The following NFU1 variants were observed in gnomAD, a reference collection of about 807,000 sequenced individuals.
NFU1 encodes NFU1 iron-sulfur cluster scaffold, also known as NFU1 iron-sulfur cluster scaffold homolog, mitochondrial.
In NFU1, 30 loss-of-function variants were observed where a neutral mutation model predicts 32.2. The observed-to-expected ratio is 0.93, with a 90% CI of 0.70 to 1.26. The LOEUF (loss-of-function observed/expected upper bound fraction) is 1.26, where lower values mean the gene tolerates loss of function less well. Ranked by LOEUF, NFU1 falls within the 50% of genes most tolerant of loss-of-function variation. The pLI is 0.00. For missense variants in NFU1, 306 were observed against 306.6 expected (o/e 1.00, Z 0.02); for synonymous variants, 112 against 104.6 (o/e 1.07, Z -0.43).
chr2:69,415,392 T>C, intron 4 of NFU1, 93 bp from the exon 5 acceptor site: 2 of 738,870 alleles, frequency 2.7e-6, no homozygotes, highest in Non-Finnish European at 4.7e-6. Context: ...TTTTTTTTTT[T>C]TGAGATGGAG....
intron 6 of NFU1, among the ~76,000 whole-genome samples, chr2:69,401,148 T>C (rs527799990): frequency 6.6e-6 from 1 of 152,312 alleles, no homozygotes; most frequent in South Asian, 2.1e-4. Flanking sequence ...GCTTAAATCA[T>C]GTATGCACAG....
At chr2:69,430,660 T>C (rs1398107820) in intron 2 of NFU1, among the ~76,000 whole-genome samples, 4 of 152,204 alleles carry the variant, frequency 2.6e-5, no homozygotes, top group Non-Finnish European at 4.4e-5. Flanking sequence ...TGACCACATA[T>C]TTCAGTCCTA....
intron 3 of NFU1, 140 bp downstream of exon 3, chr2:69,423,442 T>A (rs1260254915): frequency 1.3e-6 from 1 of 743,670 alleles, no homozygotes; most frequent in African/African-American, 1.8e-5. Context: ...TAATCTCTCA[T>A]CTGAAAAGAA....
At chr2:69,425,358 ATT>A (rs61546880) in intron 2 of NFU1, among the ~76,000 whole-genome samples, 243 of 142,916 alleles carry the variant, frequency 1.7e-3, no homozygotes, top group Non-Finnish European at 2.5e-3. Flanking sequence ...TTTATTTTTA[ATT>A]TTTTTTTTTT....
intron 5 of NFU1, among the ~76,000 whole-genome samples, chr2:69,408,853 G>C (rs1672788976): frequency 7.1e-6 from 1 of 141,642 alleles, no homozygotes; most frequent in African/African-American, 2.6e-5. Flanking sequence ...TGTGTAAACA[G>C]GCTTGTGCTT....
At chr2:69,399,317 C>G (rs1489044931) in intron 7 of NFU1, 2 of 450,598 alleles carry the variant, frequency 4.4e-6, no homozygotes, top group Admixed American at 4.8e-5. Flanking sequence ...TAAGGCCATG[C>G]TTTTTGGTTG....
At chr2:69,438,248 CTT>C (rs373475726), upstream of NFU1, among the ~76,000 whole-genome samples, 71 of 145,666 alleles carry the variant, frequency 4.9e-4, no homozygotes, top group African/African-American at 1.4e-3. Flanking sequence ...TTGTTACTTG[CTT>C]TTTTTTTTTT....
chr2:69,437,139 G>T, intron 1 of NFU1: 1 of 976,946 alleles, frequency 1.0e-6, no homozygotes, highest in Non-Finnish European at 1.5e-6. Context: ...CTCTGAGCCT[G>T]AGAGGAAGCT....
chr2:69,416,314 A>G lies in NFU1; in HGVS notation c.370-1015T>C, dbSNP rs1479204778. ...ATTATTAATAATATAATTATAATTT[A>G]TAATTAATAAAAATTAATATTTAAT... On this transcript the variant is annotated intron_variant, in intron 4 of 7. Coordinates refer to ENST00000410022, the MANE Select transcript of NFU1 (RefSeq NM_001002755.4). The G allele has an allele frequency of 3.4e-5, 5 of 147,782 alleles. No homozygotes were observed. The Admixed American group carries it at 3.4e-4, about 10-fold the overall frequency. 9.2% of individuals were successfully genotyped at this position (147,782 alleles called of 1,614,324 possible). A position where few individuals can be genotyped will look rare whatever the true frequency, so the allele number is the denominator to read the frequency against.
upstream of NFU1, among the ~76,000 whole-genome samples, chr2:69,438,150 A>G (rs762968753): frequency 6.6e-6 from 1 of 152,240 alleles, no homozygotes; most frequent in Non-Finnish European, 1.5e-5. Flanking sequence ...AGAACACGTT[A>G]GAAATGCACG....
chr2:69,416,789 T>C (rs1673069912), intron 4 of NFU1, among the ~76,000 whole-genome samples: 2 of 152,088 alleles, frequency 1.3e-5, no homozygotes, highest in African/African-American at 2.4e-5. Flanking sequence ...TCCCAGCTAC[T>C]AGGGAGGCCA....
intron 4 of NFU1, chr2:69,416,322 TA>T (rs1210770798): frequency 8.1e-5 from 12 of 147,674 alleles, no homozygotes; most frequent in Admixed American, 2.7e-4. Context: ...TTATAATTAA[TA>T]AAAATTAATA....
chr2:69,408,734 T>TTATATATA lies in NFU1; in HGVS notation c.485-2660_485-2653dup, dbSNP rs70954344. 1.6e-3 allele frequency among the ~76,000 whole-genome samples: 218 copies of TTATATATA among 136,394 alleles called. 1 individual carries two copies. Among genetic ancestry groups the TTATATATA allele is most frequent in the Non-Finnish European group, 2.7e-3 (169 of 63,080 alleles). 89.5% of individuals were successfully genotyped at this position (136,394 alleles called of 152,430 possible). ...CACCGTCTCAAAAAAATATAAAATT[T>TTATATATA]TATATATATATATATATATATATAT... On this transcript the variant is annotated intron_variant, in intron 5 of 7. Coordinates refer to ENST00000410022, the MANE Select transcript of NFU1 (RefSeq NM_001002755.4).
At chr2:69,397,452 C>A (rs1293574309) in intron 7 of NFU1, among the ~76,000 whole-genome samples, 3 of 152,136 alleles carry the variant, frequency 2.0e-5, no homozygotes, top group Non-Finnish European at 4.4e-5. Flanking sequence ...CTCACCACAC[C>A]TACTACAATT....
At chr2:69,403,815 A>G (rs1672601991) in intron 6 of NFU1, among the ~76,000 whole-genome samples, 2 of 151,710 alleles carry the variant, frequency 1.3e-5, no homozygotes, top group African/African-American at 4.8e-5. Flanking sequence ...TCTTAAGTTC[A>G]GTTATTATAA....
chr2:69,417,054 G>GTTA (rs1238730899), intron 4 of NFU1, among the ~76,000 whole-genome samples: 1 of 152,112 alleles, frequency 6.6e-6, no homozygotes, highest in East Asian at 1.9e-4. Flanking sequence ...AAATCAGAGT[G>GTTA]TTACCTCAGA....
At chr2:69,436,582 T>A (rs900653417) in intron 1 of NFU1, among the ~76,000 whole-genome samples, 4 of 152,158 alleles carry the variant, frequency 2.6e-5, no homozygotes, top group Admixed American at 6.5e-5. Context: ...AGGAGGTAAC[T>A]AACAAAAAAT....
intron 7 of NFU1, chr2:69,399,108 T>A: frequency 4.9e-6 from 1 of 204,524 alleles, no homozygotes; most frequent in Middle Eastern, 1.7e-3. Flanking sequence ...CTCATGAGGC[T>A]GAGGGATGGG....
rs10190412 is a variant in NFU1 at position 69,400,787 on chromosome 2, G to A, written c.546-249C>T. ...CCGCTTACCGCATTTGATCTTGCTT[G>A]CTAATATCTTTTTAAGGCTGGGCAT... is the stretch of plus-strand genomic sequence containing the variant. On this transcript the variant is annotated intron_variant, in intron 6 of 7. Coordinates refer to ENST00000410022, the MANE Select transcript of NFU1 (RefSeq NM_001002755.4). 0.66 allele frequency among the ~76,000 whole-genome samples: 99,678 copies of A among 151,778 alleles called. 34,042 individuals carry two copies. Among genetic ancestry groups the A allele is most frequent in the African/African-American group, 0.86 (35,552 of 41,432 alleles).
Sources: gnomAD v4.1 joint callset for allele counts (sites outside exome capture counted in the v4.1 genomes callset) on GRCh38, gnomAD v4.1.1 for gene constraint, MANE v1.5 for transcripts, NCBI Gene and HGNC (gene_info 2026-07-23, HGNC 2026-07-21) for gene names.